HHAT: variants seen among roughly 807,000 people sequenced by gnomAD.
HHAT encodes the protein protein-cysteine N-palmitoyltransferase HHAT.
Under a neutral mutation model 70.8 loss-of-function variants are expected in HHAT, and 47 were observed. The observed-to-expected ratio is 0.66, with a 90% CI of 0.53 to 0.85. The LOEUF (loss-of-function observed/expected upper bound fraction) is 0.85. Ranked by LOEUF, HHAT falls within the 40% of genes least tolerant of loss-of-function variation. The pLI is 0.00. For synonymous variants in HHAT, 228 were observed against 247.6 expected (o/e 0.92, Z 0.74); for missense variants, 609 against 604.8 (o/e 1.01, Z -0.07).
intron 9 of HHAT, among the ~76,000 whole-genome samples, chr1:210,546,487 A>G (rs1293535163): frequency 6.6e-6 from 1 of 152,182 alleles, no homozygotes; most frequent in Non-Finnish European, 1.5e-5. Flanking sequence ...AGATGAGTGC[A>G]TGCTTGGAAA....
At position 210,387,213 on chromosome 1, in the gene HHAT, C is replaced by T. The variant is rs185975936; in HGVS notation, c.160-255C>T. 7.0e-3 allele frequency among the ~76,000 whole-genome samples: 1,067 copies of T among 152,150 alleles called. 40 individuals are homozygous for T. The highest frequency in any genetic ancestry group is 0.064 in the Admixed American group (981 of 15,290). On this transcript the variant is annotated intron_variant, in intron 3 of 11. Transcript: ENST00000261458. ...CAAAGACACTGAGTTGTAGAAAGTC[C>T]GAGGTGCATTTGGGGAATGGCAATG...
intron 9 of HHAT, among the ~76,000 whole-genome samples, chr1:210,586,847 T>C (rs189170952): frequency 1.3e-5 from 2 of 152,184 alleles, no homozygotes; most frequent in African/African-American, 4.8e-5. Context: ...AGCAGGAAAT[T>C]ACTGATTGAA....
At chr1:210,358,900 C>T (rs2087944897) in intron 2 of HHAT, among the ~76,000 whole-genome samples, 1 of 152,206 alleles carries the variant, frequency 6.6e-6, no homozygotes, top group African/African-American at 2.4e-5. Flanking sequence ...TTTACCACCA[C>T]AGCTCATTGG....
At chr1:210,597,062 ATACTG>A (rs1663171289) in intron 10 of HHAT, among the ~76,000 whole-genome samples, 1 of 152,210 alleles carries the variant, frequency 6.6e-6, no homozygotes, top group Non-Finnish European at 1.5e-5. Context: ...ATGTCCAGTA[ATACTG>A]TGGGTCTTGC....
intron 11 of HHAT, among the ~76,000 whole-genome samples, chr1:210,649,802 G>T (rs928016904): frequency 2.0e-5 from 3 of 152,202 alleles, no homozygotes; most frequent in Admixed American, 6.5e-5. Flanking sequence ...TGCTGAAGGG[G>T]TCATAGGTTT....
In HHAT at chr1:210,588,089, A is replaced by C; in HGVS notation, c.1235A>C (p.Gln412Pro). 6.2e-7 allele frequency: 1 copy of C among 1,605,022 alleles called. No individual in the cohort carries two copies. Among genetic ancestry groups the C allele is most frequent in the Non-Finnish European group, 8.5e-7 (1 of 1,176,746 alleles). Residue 412 changes from glutamine to proline, a missense_variant, in exon 10 of 12, where the codon CAG (glutamine) becomes CCG (proline). Transcript: ENST00000261458. ...AGGCTGGTGGAGACTCCCTGCATCCAGGACAGTCTGGTGAGCAGGATCCTT... is the reference window on the plus strand; with the variant it reads ...AGGCTGGTGGAGACTCCCTGCATCCCGGACAGTCTGGTGAGCAGGATCCTT... ...VRRLVETPCIQDSLARYFSPQ... is the reference protein window; with the variant it reads ...VRRLVETPCIPDSLARYFSPQ...
chr1:210,348,820 G>A, intron 1 of HHAT, 113 bp from the exon 2 acceptor site: 1 of 1,067,942 alleles, frequency 9.4e-7, no homozygotes, highest in Non-Finnish European at 1.3e-6. Context: ...GGTTATGTCT[G>A]TATCACCTTG....
At chr1:210,331,227 T>C (rs4292962) in intron 1 of HHAT, among the ~76,000 whole-genome samples, 90,283 of 151,694 alleles carry the variant, frequency 0.6, 28,241 homozygotes, top group African/African-American at 0.78. Context: ...AGCTTGTTTT[T>C]CTGCAACTAG....
intron 9 of HHAT, among the ~76,000 whole-genome samples, chr1:210,523,582 C>A (rs934685614): frequency 6.7e-6 from 1 of 150,280 alleles, no homozygotes; most frequent in Non-Finnish European, 1.5e-5. Flanking sequence ...ACTTTGGGAC[C>A]CCTGCTTTAA....
chr1:210,541,610 C>T (rs1240788986), intron 9 of HHAT, among the ~76,000 whole-genome samples: 2 of 152,198 alleles, frequency 1.3e-5, no homozygotes, highest in Admixed American at 6.5e-5. Flanking sequence ...GCCTGTAATC[C>T]CAGCTCCTTA....
At chr1:210,666,543 G>A (rs920585629) in intron 11 of HHAT, among the ~76,000 whole-genome samples, 2 of 152,090 alleles carry the variant, frequency 1.3e-5, no homozygotes, top group Non-Finnish European at 2.9e-5. Flanking sequence ...AGGTGCAGTG[G>A]CACAATTTCG....
rs151004661 is a variant in HHAT, at chr1:210,506,099, C to T, written c.1008-7054C>T. The stretch of plus-strand genomic sequence containing the variant: ...AGTTCTAAGCTAGGTGATATACAAA[C>T]CTCTGTGCTCTGTGAGTAAGCATAT... On this transcript the variant is annotated intron_variant, in intron 8 of 11. Transcript: ENST00000261458. 5.6e-3 allele frequency among the ~76,000 whole-genome samples: 854 copies of T among 152,264 alleles called. 11 individuals carry two copies. The highest frequency in any genetic ancestry group is 0.045 in the South Asian group (218 of 4,826).
chr1:210,586,218 G>C (rs1479228274), intron 9 of HHAT, among the ~76,000 whole-genome samples: 1 of 152,136 alleles, frequency 6.6e-6, no homozygotes, highest in Admixed American at 6.5e-5. Flanking sequence ...TGAGACAGGA[G>C]GTTCACTTGA....
intron 9 of HHAT, among the ~76,000 whole-genome samples, chr1:210,580,640 T>A (rs1659055941): frequency 6.6e-6 from 1 of 152,066 alleles, no homozygotes; most frequent in African/African-American, 2.4e-5. Context: ...GTTTCCAGCT[T>A]CATCCATGTC....
At chr1:210,613,745 C>T (rs547744149) in intron 10 of HHAT, among the ~76,000 whole-genome samples, 1 of 152,270 alleles carries the variant, frequency 6.6e-6, no homozygotes, top group Non-Finnish European at 1.5e-5. Context: ...CAACTGGGTG[C>T]AGTGGCTCAT....
At chr1:210,394,166 C>G (rs987758245) in intron 4 of HHAT, among the ~76,000 whole-genome samples, 5 of 150,118 alleles carry the variant, frequency 3.3e-5, no homozygotes, top group Non-Finnish European at 4.4e-5. Flanking sequence ...TCTTCCTTGG[C>G]TCATTCCACC....
intron 5 of HHAT, among the ~76,000 whole-genome samples, chr1:210,403,916 T>A (rs1401757547): frequency 6.9e-6 from 1 of 143,902 alleles, no homozygotes; most frequent in Non-Finnish European, 1.5e-5. Flanking sequence ...GAATTTAACA[T>A]ATTGAGGGCA....
chr1:210,628,776 G>A (rs1278249373), intron 11 of HHAT, among the ~76,000 whole-genome samples: 1 of 152,190 alleles, frequency 6.6e-6, no homozygotes, highest in Non-Finnish European at 1.5e-5. Context: ...TTCTGGACAG[G>A]CATTTTATTT....
chr1:210,578,931 G>A lies in HHAT; in HGVS notation c.1044-8967G>A, dbSNP rs1053224594. Among the ~76,000 whole-genome samples the A allele has an allele frequency of 5.9e-5, 9 of 152,278 alleles. No individual in the cohort carries two copies. The East Asian group carries it at 1.7e-3, about 29-fold the overall frequency. The stretch of plus-strand genomic sequence containing the variant: ...CTAAAAGCCCATCAATGGCAGATTG[G>A]ATAAAGAAAATGTGGTACATATCCA... On this transcript the variant is annotated intron_variant, in intron 9 of 11. Transcript: ENST00000261458.
Sources: gnomAD v4.1 joint callset for allele counts (sites outside exome capture counted in the v4.1 genomes callset) on GRCh38, gnomAD v4.1.1 for gene constraint, MANE v1.5 for transcripts, NCBI Gene and HGNC (gene_info 2026-07-23, HGNC 2026-07-21) for gene names.